Variants in PRKAR1B observed in about 807,000 individuals in gnomAD.
The protein encoded by PRKAR1B is protein kinase cAMP-dependent type I regulatory subunit beta, also known as cAMP-dependent protein kinase type I-beta regulatory subunit.
A neutral mutation model predicts 46.5 loss-of-function variants in PRKAR1B; 22 were observed. The observed-to-expected ratio is 0.47, with a 90% CI of 0.34 to 0.68. PRKAR1B has a LOEUF of 0.68. Ranked by LOEUF, PRKAR1B falls within the 30% of genes least tolerant of loss-of-function variation. PRKAR1B has a pLI of 0.01. For synonymous variants in PRKAR1B, 259 were observed against 217.7 expected, an observed-to-expected ratio of 1.19 and a Z score of -1.67; for missense variants, 445 against 535.6, an observed-to-expected ratio of 0.83 and a Z score of 1.67.
chr7:575,035 G>C (rs551810461), intron 9 of PRKAR1B, among the ~76,000 whole-genome samples: 2 of 152,358 alleles, frequency 1.3e-5, no homozygotes, highest in Admixed American at 1.3e-4. Flanking sequence ...TCAGTAGCGA[G>C]AACTGGTGAT....
At chr7:606,284 C>T (rs760677338) in intron 5 of PRKAR1B, 45 bp from the exon 6 acceptor site, 4 of 1,587,692 alleles carry the variant, frequency 2.5e-6, no homozygotes, top group Admixed American at 1.7e-5. Flanking sequence ...TACATCCAGA[C>T]ATACAAGTTA....
chr7:695,056 G>A (rs1348403956), intron 2 of PRKAR1B, among the ~76,000 whole-genome samples: 2 of 150,372 alleles, frequency 1.3e-5, no homozygotes, highest in Non-Finnish European at 3.0e-5. Context: ...AGAACCAAGC[G>A]AACAAACGAG....
chr7:698,680 CTGAG>C (rs957453100), intron 2 of PRKAR1B, among the ~76,000 whole-genome samples: 8 of 151,986 alleles, frequency 5.3e-5, no homozygotes, highest in East Asian at 1.9e-4. Flanking sequence ...TCGGAGTAAA[CTGAG>C]TATGTCCAGG....
chr7:659,709 C>CTTTTGT lies in PRKAR1B; in HGVS notation c.440+17514_440+17519dup, dbSNP rs370792639. 9.0e-3 allele frequency among the ~76,000 whole-genome samples: 1,365 copies of CTTTTGT among 152,192 alleles called. 19 individuals carry two copies. The highest frequency in any genetic ancestry group is 0.031 in the African/African-American group (1,270 of 41,532). On this transcript the variant is annotated intron_variant, in intron 4 of 10. Transcript: ENST00000537384. ...TCCAGACGCATGGGCCTTGTGAGGG[C>CTTTTGT]TTTTGTTTTTGTTTTTGTTTTTGAG...
chr7:575,290 C>T lies in PRKAR1B; in HGVS notation c.891+3966G>A, dbSNP rs945268511. On this transcript the variant is annotated intron_variant, in intron 9 of 10. Transcript: ENST00000537384. ...GCTGTGCTGGCTGAGGCTGGGGCTG[C>T]GCTGGCTGGGTATGCGTCTCAGAGC... Among the ~76,000 whole-genome samples, 9 of 152,306 alleles carry T rather than the reference C, an allele frequency of 5.9e-5. No homozygotes were observed. In the South Asian group the frequency reaches 6.2e-4, roughly 11 times the overall value.
At chr7:559,134 G>C (rs1241324199) in intron 9 of PRKAR1B, among the ~76,000 whole-genome samples, 1 of 152,212 alleles carries the variant, frequency 6.6e-6, no homozygotes, top group Non-Finnish European at 1.5e-5. Context: ...TGAACGAGGA[G>C]GCCACATCCC....
In PRKAR1B at chr7:629,387, C is replaced by T. The variant is rs554103961; in HGVS notation, c.441-21935G>A. On this transcript the variant is annotated intron_variant, in intron 4 of 10. Coordinates refer to ENST00000537384, the MANE Select transcript of PRKAR1B (RefSeq NM_001164760.2). The stretch of plus-strand genomic sequence containing the variant: ...GGAAAATGCTGCAGAAGCGGGACCA[C>T]GGCCTCCGAGGGCGCCACCACCCCA... Among the ~76,000 whole-genome samples the T allele has an allele frequency of 8.1e-5, 11 of 136,630 alleles. No individual in the cohort carries two copies. The East Asian group carries it at 1.1e-3, about 14-fold the overall frequency. 89.6% of individuals were successfully genotyped at this position (136,630 alleles called of 152,430 possible).
chr7:610,138 G>C (rs1229967527), intron 4 of PRKAR1B, among the ~76,000 whole-genome samples: 1 of 152,098 alleles, frequency 6.6e-6, no homozygotes, highest in Non-Finnish European at 1.5e-5. Flanking sequence ...TCACACGCTG[G>C]GCCACGATGG....
At chr7:606,103 G>A in intron 6 of PRKAR1B, 90 bp downstream of exon 6, 5 of 1,289,084 alleles carry the variant, frequency 3.9e-6, no homozygotes, top group Non-Finnish European at 5.6e-6. Flanking sequence ...CGCAGTGTTT[G>A]TTGGGGGCCT....
chr7:709,345 G>C (rs2128527549), intron 2 of PRKAR1B, among the ~76,000 whole-genome samples: 1 of 150,426 alleles, frequency 6.6e-6, no homozygotes, highest in African/African-American at 2.4e-5. Flanking sequence ...ATGCATGTGT[G>C]TATGCATGTG....
Position 629,396 on chromosome 7 carries a change from A to G in PRKAR1B, c.441-21944T>C, listed in dbSNP as rs1783602736. 3.0e-5 allele frequency among the ~76,000 whole-genome samples: 4 copies of G among 133,200 alleles called. 1 individual carries two copies. The highest frequency in any genetic ancestry group is 3.0e-4 in the Admixed American group (4 of 13,456). The allele number at this position is 133,200 out of a possible 152,430, so 87.4% of individuals were successfully genotyped here. A position where few individuals can be genotyped will look rare whatever the true frequency, so the allele number is the denominator to read the frequency against. The stretch of plus-strand genomic sequence containing the variant: ...TGCAGAAGCGGGACCACGGCCTCCG[A>G]GGGCGCCACCACCCCAAGGCTGGAA... On this transcript the variant is annotated intron_variant, in intron 4 of 10. Transcript: ENST00000537384.
chr7:637,147 C>T (rs1408932626), intron 4 of PRKAR1B, among the ~76,000 whole-genome samples: 1 of 152,062 alleles, frequency 6.6e-6, no homozygotes, highest in Admixed American at 6.5e-5. Flanking sequence ...ATTAGCCGGG[C>T]GTGGTGGTGC....
chr7:707,462 G>T (rs1322429103), intron 2 of PRKAR1B, among the ~76,000 whole-genome samples: 5 of 152,156 alleles, frequency 3.3e-5, no homozygotes, highest in African/African-American at 1.2e-4. Context: ...GCTGTTGGAG[G>T]AAGGCCTGAG....
At chr7:587,574 A>T (rs1246733404) in intron 7 of PRKAR1B, among the ~76,000 whole-genome samples, 1 of 152,214 alleles carries the variant, frequency 6.6e-6, no homozygotes, top group African/African-American at 2.4e-5. Context: ...GTCTCCCTTA[A>T]AAAGGGACTC....
At position 612,087 on chromosome 7, in the gene PRKAR1B, GTGGA is replaced by G. The variant is rs1782537363; in HGVS notation, c.441-4639_441-4636del. On this transcript the variant is annotated intron_variant, in intron 4 of 10. Transcript: ENST00000537384. ...GATGGATGGATGGACGGACAGGTGG[GTGGA>G]TGAACAGGTGTGTGAGTAGATTTGA... is the stretch of plus-strand genomic sequence containing the variant. Among the ~76,000 whole-genome samples, 3 of 151,284 alleles carry G rather than the reference GTGGA, an allele frequency of 2.0e-5. No individual in the cohort carries two copies. In the South Asian group the frequency reaches 6.4e-4, roughly 32 times the overall value.
chr7:655,791 AGTTGG>A (rs1785157584), intron 4 of PRKAR1B, among the ~76,000 whole-genome samples: 1 of 152,120 alleles, frequency 6.6e-6, no homozygotes, highest in Non-Finnish European at 1.5e-5. Flanking sequence ...TATGATTCAG[AGTTGG>A]TTCCCTGATT....
At chr7:651,497 T>A (rs73254253) in intron 4 of PRKAR1B, among the ~76,000 whole-genome samples, 2 of 151,812 alleles carry the variant, frequency 1.3e-5, no homozygotes, top group Non-Finnish European at 2.9e-5. Context: ...ACTAGGAACC[T>A]GGGAAACCCC....
At chr7:727,706 C>G (rs1368087831), upstream of PRKAR1B, 1 of 95,014 alleles carries the variant, frequency 1.1e-5, no homozygotes, top group Non-Finnish European at 2.1e-5. Context: ...GCCCCAAGCC[C>G]CGCCCCCCAC....
chr7:702,048 G>C (rs1369694004), intron 2 of PRKAR1B, among the ~76,000 whole-genome samples: 1 of 152,138 alleles, frequency 6.6e-6, no homozygotes, highest in Non-Finnish European at 1.5e-5. Flanking sequence ...TCAAGGGAGT[G>C]GGGGAAAGTT....
Sources: allele counts gnomAD v4.1 joint callset (sites outside exome capture counted in the v4.1 genomes callset), GRCh38; gene constraint gnomAD v4.1.1; transcripts MANE v1.5; gene names NCBI Gene and HGNC (gene_info 2026-07-23, HGNC 2026-07-21).